The following PCDH11Y variants were observed in gnomAD, a reference collection of about 807,000 sequenced individuals.
PCDH11Y encodes protocadherin-11 Y-linked.
For synonymous variants in PCDH11Y, 9 were observed against 83.6 expected (o/e 0.11, Z 4.87); for missense variants, 12 against 224.8 (o/e 0.05, Z 6.05).
In PCDH11Y at chrY:5,427,104, C is replaced by A. The variant is rs1473113517; in HGVS notation, c.3130-73953C>A. Among the ~76,000 whole-genome samples, 4 of 32,830 alleles carry A rather than the reference C, an allele frequency of 1.2e-4. No homozygotes were observed. The East Asian group carries it at 3.2e-3, about 26-fold the overall frequency. 88.1% of individuals were successfully genotyped at this position (32,830 alleles called of 37,273 possible). A position where few individuals can be genotyped will look rare whatever the true frequency, so the allele number is the denominator to read the frequency against. The stretch of plus-strand genomic sequence containing the variant: ...TACACGGAAGGCCTAAAATAACTAA[C>A]TCCTGTTCAGGAATAGAGGCTTACC... On this transcript the variant is annotated intron_variant, in intron 2 of 4. Coordinates refer to the PCDH11Y transcript ENST00000400457.
intron 2 of PCDH11Y, among the ~76,000 whole-genome samples, chrY:5,349,158 G>A (rs376765382): frequency 0.038 from 1,165 of 30,835 alleles, no homozygotes; most frequent in Middle Eastern, 0.3. Context: ...GTATAATACC[G>A]CAAGAGGTGT....
chrY:5,321,949 G>A, intron 2 of PCDH11Y, among the ~76,000 whole-genome samples: 1 of 27,563 alleles, frequency 3.6e-5, no homozygotes, highest in Non-Finnish European at 8.4e-5. Flanking sequence ...GAAACAGACT[G>A]AGCCCTTGTC....
chrY:5,199,931 A>G (rs2052925173), intron 2 of PCDH11Y, among the ~76,000 whole-genome samples: 1 of 33,354 alleles, frequency 3.0e-5, no homozygotes, highest in Non-Finnish European at 7.4e-5. Context: ...TAATCTTAAG[A>G]TGTCAATTAG....
chrY:5,126,426 A>T, intron 2 of PCDH11Y, among the ~76,000 whole-genome samples: 1 of 31,690 alleles, frequency 3.2e-5, no homozygotes, highest in South Asian at 7.3e-4. Context: ...AGGCAGCAGT[A>T]CGACTACATA....
intron 2 of PCDH11Y, among the ~76,000 whole-genome samples, chrY:5,310,063 C>A (rs2053097080): frequency 3.9e-5 from 1 of 25,734 alleles, no homozygotes; most frequent in Non-Finnish European, 8.9e-5. Context: ...GCCATGGCTG[C>A]CTGTGTTTTT....
At chrY:5,414,888 C>T (rs2053251714) in intron 2 of PCDH11Y, among the ~76,000 whole-genome samples, 3 of 32,207 alleles carry the variant, frequency 9.3e-5, no homozygotes, top group East Asian at 8.2e-4. Flanking sequence ...CTCAGCCTCC[C>T]GAGCAGCTGG....
At chrY:5,105,183 A>G (rs2052787979), downstream of PCDH11Y, 1 of 131,435 alleles carries the variant, frequency 7.6e-6, no homozygotes, top group African/African-American at 1.0e-4. Context: ...CGGAGCTTGC[A>G]GTGAGCCGAG....
intron 2 of PCDH11Y, among the ~76,000 whole-genome samples, chrY:5,267,197 CTTTTTTTTTT>C (rs869061554): frequency 9.2e-5 from 1 of 10,907 alleles, no homozygotes; most frequent in African/African-American, 3.7e-4. Context: ...AAAGTTGTTG[CTTTTTTTTTT>C]TTTTTTTTTT....
At chrY:5,300,765 T>C in intron 2 of PCDH11Y, among the ~76,000 whole-genome samples, 1 of 33,263 alleles carries the variant, frequency 3.0e-5, no homozygotes, top group African/African-American at 1.1e-4. Flanking sequence ...TAAGGAAATA[T>C]GTTAGCCGCT....
chrY:5,404,640 G>A, intron 2 of PCDH11Y, among the ~76,000 whole-genome samples: 1 of 32,754 alleles, frequency 3.1e-5, no homozygotes, highest in African/African-American at 1.2e-4. Flanking sequence ...TAACCAGAAA[G>A]GAGCAATTGA....
intron 3 of PCDH11Y, among the ~76,000 whole-genome samples, chrY:5,527,225 A>T: frequency 3.0e-5 from 1 of 33,484 alleles, no homozygotes; most frequent in East Asian, 8.0e-4. Context: ...AGAGGGAGCA[A>T]TATCAGGTAC....
At chrY:5,594,072 G>A in intron 4 of PCDH11Y, among the ~76,000 whole-genome samples, 4 of 32,873 alleles carry the variant, frequency 1.2e-4, no homozygotes, top group African/African-American at 4.8e-4. Flanking sequence ...TGGGTATTGG[G>A]GTACTGGTCT....
chrY:5,556,286 AT>A (rs2124694588), intron 3 of PCDH11Y, among the ~76,000 whole-genome samples: 1 of 30,256 alleles, frequency 3.3e-5, no homozygotes, highest in South Asian at 7.9e-4. Context: ...TGTGGTTTTG[AT>A]TTGCATTTTT....
At chrY:5,679,603 G>C in intron 4 of PCDH11Y, among the ~76,000 whole-genome samples, 1 of 33,883 alleles carries the variant, frequency 3.0e-5, no homozygotes, top group South Asian at 6.6e-4. Flanking sequence ...AACTGTTTGA[G>C]AAAAGCAAAA....
chrY:5,012,385 T>C, intron 1 of PCDH11Y, among the ~76,000 whole-genome samples: 1 of 32,142 alleles, frequency 3.1e-5, no homozygotes, highest in Admixed American at 2.9e-4. Flanking sequence ...TCACGTCTTA[T>C]ATGGCCAAAG....
chrY:5,695,076 T>TACACAC (rs563664942), intron 4 of PCDH11Y, among the ~76,000 whole-genome samples: 64 of 24,864 alleles, frequency 2.6e-3, no homozygotes, highest in Middle Eastern at 0.042. Context: ...ACCTGGTGTA[T>TACACAC]ACACACACAC....
chrY:5,033,060 G>A (rs2124621893), intron 3 of PCDH11Y, among the ~76,000 whole-genome samples: 1 of 32,056 alleles, frequency 3.1e-5, no homozygotes, highest in South Asian at 7.0e-4. Flanking sequence ...GTTTACTGAC[G>A]GTAAGCAATG....
intron 4 of PCDH11Y, among the ~76,000 whole-genome samples, chrY:5,698,381 GTTC>G (rs2053573996): frequency 9.1e-5 from 3 of 33,025 alleles, no homozygotes; most frequent in Non-Finnish European, 2.2e-4. Context: ...GGTTGGGGAA[GTTC>G]TTCTGGATGA....
chrY:5,406,150 C>CA (rs2053238603), intron 2 of PCDH11Y, among the ~76,000 whole-genome samples: 2 of 22,680 alleles, frequency 8.8e-5, no homozygotes, highest in African/African-American at 1.8e-4. Context: ...GTCTCAAAAA[C>CA]AAAAAAAAAG....
Sources: allele counts gnomAD v4.1 joint callset (sites outside exome capture counted in the v4.1 genomes callset), GRCh38; gene constraint gnomAD v4.1.1; transcripts MANE v1.5; gene names NCBI Gene and HGNC (gene_info 2026-07-23, HGNC 2026-07-21).